ARMCX4: variants seen among roughly 807,000 people sequenced by gnomAD.
ARMCX4 encodes the protein armadillo repeat containing X-linked 4.
Under a neutral mutation model 34.7 loss-of-function variants are expected in ARMCX4, and 3 were observed. The observed-to-expected ratio is 0.09, with a 90% CI of 0.04 to 0.22. The LOEUF is 0.22. Among genes scored for constraint, ARMCX4 ranks in the 10% least tolerant of loss-of-function variants. The probability of loss-of-function intolerance (pLI) is 1.00; values close to 1 mark genes in which losing one functional copy is unlikely to be tolerated. For synonymous variants in ARMCX4, 513 were observed against 632.8 expected (o/e 0.81, Z 2.84); for missense variants, 1,448 against 1,720.8 (o/e 0.84, Z 2.81).
At chrX:101,424,082 C>T (rs782794909) in intron 2 of ARMCX4, among the ~76,000 whole-genome samples, 14 of 110,827 alleles carry the variant, frequency 1.3e-4, no homozygotes, top group African/African-American at 3.6e-4. Context: ...GGGCTGGTCT[C>T]GAACTCCTGA....
chrX:101,496,991 T>C (rs782645062), downstream of ARMCX4, among the ~76,000 whole-genome samples: 3 of 112,135 alleles, frequency 2.7e-5, no homozygotes, highest in South Asian at 1.1e-3. Flanking sequence ...GCTAAGCAAA[T>C]TGATGTATGT....
At chrX:101,501,241 G>A (rs1934292057) in intron 7 of ARMCX4, among the ~76,000 whole-genome samples, 1 of 112,632 alleles carries the variant, frequency 8.9e-6, no homozygotes, top group African/African-American at 3.2e-5. Flanking sequence ...AGGCCCTATA[G>A]CAGGTCCAGG....
chrX:101,433,108 G>GTGTATA (rs1930346229), intron 2 of ARMCX4, among the ~76,000 whole-genome samples: 2 of 90,814 alleles, frequency 2.2e-5, no homozygotes, highest in Admixed American at 2.4e-4. Context: ...ACATACGCAC[G>GTGTATA]TATACACATG....
intron 11 of ARMCX4, among the ~76,000 whole-genome samples, chrX:101,513,900 A>G: frequency 9.0e-6 from 1 of 110,905 alleles, no homozygotes; most frequent in South Asian, 3.9e-4. Context: ...ACTAGTGGAT[A>G]TTAGTACTAG....
chrX:101,432,039 A>G (rs1930061652), intron 2 of ARMCX4, among the ~76,000 whole-genome samples: 1 of 112,705 alleles, frequency 8.9e-6, no homozygotes, highest in South Asian at 3.6e-4. Flanking sequence ...GCTTTTCAAC[A>G]AATCTTGAAT....
At chrX:101,507,673 AGT>A (rs1472216697) in intron 8 of ARMCX4, among the ~76,000 whole-genome samples, 1 of 111,850 alleles carries the variant, frequency 8.9e-6, no homozygotes, top group Non-Finnish European at 1.9e-5. Flanking sequence ...TATGAGAAAG[AGT>A]GTATAGTATA....
At chrX:101,504,014 G>A (rs1276733129) in intron 7 of ARMCX4, among the ~76,000 whole-genome samples, 12 of 111,706 alleles carry the variant, frequency 1.1e-4, no homozygotes, top group Admixed American at 1.9e-4. Context: ...TGGCTAGCCA[G>A]TTTTCCCAGC....
chrX:101,422,366 C>T (rs1164564694), intron 2 of ARMCX4, among the ~76,000 whole-genome samples: 6 of 107,690 alleles, frequency 5.6e-5, no homozygotes, highest in Admixed American at 2.0e-4. Flanking sequence ...TTGGGAAGTA[C>T]GGAGTGCTGA....
At chrX:101,444,477 C>A (rs1176998588) in intron 3 of ARMCX4, among the ~76,000 whole-genome samples, 1 of 112,403 alleles carries the variant, frequency 8.9e-6, no homozygotes, top group African/African-American at 3.2e-5. Context: ...TCCTATTAGA[C>A]AATTTTAGCA....
At chrX:101,473,338 G>C (rs1556003500) in intron 4 of ARMCX4, among the ~76,000 whole-genome samples, 13 of 106,268 alleles carry the variant, frequency 1.2e-4, no homozygotes, top group South Asian at 9.0e-4. Context: ...AAGAGACTTA[G>C]ACTCCCACAC....
intron 4 of ARMCX4, among the ~76,000 whole-genome samples, chrX:101,480,061 G>A (rs1029949376): frequency 8.5e-5 from 9 of 106,177 alleles, no homozygotes; most frequent in Non-Finnish European, 1.7e-4. Context: ...ATATGGTTAA[G>A]TTAGCTCTTT....
chrX:101,501,287 C>T (rs1392844406), intron 7 of ARMCX4, among the ~76,000 whole-genome samples: 1 of 113,109 alleles, frequency 8.8e-6, no homozygotes, highest in African/African-American at 3.2e-5. Flanking sequence ...TTGATGCATA[C>T]AAGAGACAGT....
chrX:101,440,678 C>T (rs1357103425), intron 2 of ARMCX4, among the ~76,000 whole-genome samples: 3 of 111,532 alleles, frequency 2.7e-5, no homozygotes, highest in Non-Finnish European at 3.8e-5. Flanking sequence ...CAATGGCAGG[C>T]GCCCCTCCCC....
At chrX:101,478,248 T>C (rs1262140231) in intron 4 of ARMCX4, among the ~76,000 whole-genome samples, 1 of 111,549 alleles carries the variant, frequency 9.0e-6, no homozygotes, top group Admixed American at 9.6e-5. Context: ...TCAGAGAAAA[T>C]CAACTGACAA....
In ARMCX4 at chrX:101,488,524, C is replaced by A; in HGVS notation, c.-66C>A. The A allele has an allele frequency of 8.7e-7, 1 of 1,154,197 alleles. No homozygotes were observed. The highest frequency in any genetic ancestry group is 1.9e-5 in the South Asian group (1 of 52,368). ...CACAGGCCTACACCCACAACTACCACTCTCTTTACCCCAGCCCGAGTGCGC... is the reference window on the plus strand; with the variant it reads ...CACAGGCCTACACCCACAACTACCAATCTCTTTACCCCAGCCCGAGTGCGC... On this transcript the variant is annotated 5_prime_UTR_variant, in exon 6 of 6. Transcript: ENST00000423738.
chrX:101,455,930 G>A (rs1420280965), intron 4 of ARMCX4, among the ~76,000 whole-genome samples: 2 of 111,367 alleles, frequency 1.8e-5, no homozygotes, highest in Admixed American at 9.6e-5. Context: ...TTCTGTTTCT[G>A]CATTAGTTTG....
chrX:101,444,147 A>G (rs1931484780), exon 3 of ARMCX4: 1 of 277,076 alleles, frequency 3.6e-6, no homozygotes, highest in Non-Finnish European at 6.8e-6. Context: ...GGCGATGTTG[A>G]AGAACATGGT....
intron 4 of ARMCX4, 103 bp downstream of exon 4, chrX:101,487,794 C>T: frequency 2.9e-6 from 1 of 349,274 alleles, no homozygotes; most frequent in South Asian, 3.3e-5. Flanking sequence ...TGAGGATCCT[C>T]AGTCTCTCCT....
At chrX:101,504,812 A>G (rs1267045783) in intron 7 of ARMCX4, 3 of 111,323 alleles carry the variant, frequency 2.7e-5, no homozygotes, top group African/African-American at 9.8e-5. Context: ...AAAAAGGTCC[A>G]TTTCTGAAAA....
Sources: gnomAD v4.1 joint callset for allele counts (sites outside exome capture counted in the v4.1 genomes callset) on GRCh38, gnomAD v4.1.1 for gene constraint, MANE v1.5 for transcripts, NCBI Gene and HGNC (gene_info 2026-07-23, HGNC 2026-07-21) for gene names.